The following SYNE1 variants were observed in gnomAD, a reference collection of about 807,000 sequenced individuals.
The protein encoded by SYNE1 is spectrin repeat containing nuclear envelope protein 1.
Under a neutral mutation model 1,111.0 loss-of-function variants are expected in SYNE1, and 616 were observed. The observed-to-expected ratio is 0.55, with a 90% CI of 0.52 to 0.59. The LOEUF (loss-of-function observed/expected upper bound fraction) is 0.59. Ranked by LOEUF, SYNE1 falls within the 20% of genes least tolerant of loss-of-function variation. SYNE1 has a pLI of 0.00. For missense variants in SYNE1, 10,006 were observed against 10,417.0 expected (o/e 0.96, Z 1.72); for synonymous variants, 3,855 against 3,825.8 (o/e 1.01, Z -0.28).
rs1562279050 is a variant in SYNE1 at position 152,220,860 on chromosome 6, T to C, written c.21843A>G (p.Thr7281=). The part of the protein sequence containing the change: ...NKDIADDEVA[T]WIQDCNDLLK... ...AACATACGTTGCAATCTTGAATCCA[T>C]GTGGCAACCTCATCATCGGCAATGT... Residue 7281 remains threonine, a synonymous_variant, in exon 119 of 146, where the codon ACA becomes ACG. Transcript: ENST00000367255. 1 of 1,613,982 alleles carries C rather than the reference T, an allele frequency of 6.2e-7. No homozygotes were observed. Among genetic ancestry groups the C allele is most frequent in the Non-Finnish European group, 8.5e-7 (1 of 1,179,972 alleles).
rs553403032 is a variant in SYNE1 at position 152,140,546 on chromosome 6, C to G, written c.25247-385G>C. On this transcript the variant is annotated intron_variant, in intron 139 of 145. Coordinates refer to ENST00000367255, the MANE Select transcript of SYNE1 (RefSeq NM_182961.4). ...AAACAGTGCATTAAAATAATTGGAA[C>G]ATGAGAGCTGGGGTGGTAGTGCGCG... 7.9e-5 allele frequency among the ~76,000 whole-genome samples: 12 copies of G among 152,238 alleles called. 1 individual carries two copies. In the South Asian group the frequency reaches 2.3e-3, roughly 29 times the overall value.
chr6:152,274,429 C>T (rs543283072), intron 98 of SYNE1, among the ~76,000 whole-genome samples: 144 of 151,504 alleles, frequency 9.5e-4, no homozygotes, highest in African/African-American at 3.3e-3. Flanking sequence ...TTGTGAATTG[C>T]ATAGTTTCTT....
chr6:152,169,627 CAAAAAAAAAA>C (rs58087660), intron 130 of SYNE1, among the ~76,000 whole-genome samples: 1 of 71,444 alleles, frequency 1.4e-5, no homozygotes, highest in Non-Finnish European at 2.5e-5. Flanking sequence ...CACCTCATCT[CAAAAAAAAAA>C]AAAAAAAAAA....
At chr6:152,538,314 G>A (rs561572002) in intron 4 of SYNE1, among the ~76,000 whole-genome samples, 10 of 152,120 alleles carry the variant, frequency 6.6e-5, no homozygotes, top group African/African-American at 1.4e-4. Context: ...CCCTCCACAG[G>A]CAACTGGCTA....
chr6:152,592,985 C>T lies in SYNE1; in HGVS notation c.67+35280G>A, dbSNP rs1020453261. On this transcript the variant is annotated intron_variant, in intron 3 of 145. Coordinates refer to ENST00000367255, the MANE Select transcript of SYNE1 (RefSeq NM_182961.4). ...GCTCCTGGGGTGGGCTCTGACCACCCGCAACCCTGAACTAGAATATGTAGG... is the reference window on the plus strand; with the variant it reads ...GCTCCTGGGGTGGGCTCTGACCACCTGCAACCCTGAACTAGAATATGTAGG... Among the ~76,000 whole-genome samples the T allele has an allele frequency of 7.2e-5, 11 of 152,228 alleles. No homozygotes were observed. In the East Asian group the frequency reaches 1.9e-3, roughly 27 times the overall value.
chr6:152,183,565 C>T lies in SYNE1; in HGVS notation c.23302-3271G>A, dbSNP rs139999608. On this transcript the variant is annotated intron_variant, in intron 128 of 145. Coordinates refer to ENST00000367255, the MANE Select transcript of SYNE1 (RefSeq NM_182961.4). ...GCAGTGAGCCAAGATCACACCACTG[C>T]ACTACAGCCTGGGCAACAGAGTGAG... Among the ~76,000 whole-genome samples the T allele has an allele frequency of 3.4e-3, 513 of 152,110 alleles. 15 individuals carry two copies. In the East Asian group the frequency reaches 0.067, roughly 20 times the overall value.
rs781563259 is a variant in SYNE1 at position 152,505,379 on chromosome 6, T to A, written c.600A>T (p.Val200=). Residue 200 remains valine (V), a synonymous_variant, in exon 9 of 146, where the codon GTA becomes GTT. Coordinates refer to ENST00000367255, the MANE Select transcript of SYNE1 (RefSeq NM_182961.4). ...TTCTCCAACTCTTCCCAAAATCTTT[T>A]ACTTCTATTCCAGTCTGCCTTTGTG... ...YTAGKQTGIE[V]KDFGKSWRSG... 4 of 1,613,894 alleles carry A rather than the reference T, an allele frequency of 2.5e-6. No homozygotes were observed. Among genetic ancestry groups the A allele is most frequent in the Non-Finnish European group, 3.4e-6 (4 of 1,180,008 alleles).
chr6:152,187,067 T>C (rs2070357522), intron 128 of SYNE1, among the ~76,000 whole-genome samples: 1 of 152,238 alleles, frequency 6.6e-6, no homozygotes, highest in South Asian at 2.1e-4. Context: ...CGTAAATCCA[T>C]GTAAATTCCT....
chr6:152,242,138 C>CTT, intron 107 of SYNE1, 102 bp downstream of exon 107: 1 of 1,160,026 alleles, frequency 8.6e-7, no homozygotes. Context: ...AGTAAGAACT[C>CTT]ATAAAAGACT....
intron 119 of SYNE1, 43 bp from the exon 120 acceptor site, chr6:152,219,228 C>A (rs764549935): frequency 6.3e-7 from 1 of 1,585,632 alleles, no homozygotes; most frequent in Admixed American, 1.7e-5. Flanking sequence ...CATGTTGATA[C>A]TCCTTATCAT....
At chr6:152,196,798 C>T (rs754324087) in intron 127 of SYNE1, among the ~76,000 whole-genome samples, 3 of 151,998 alleles carry the variant, frequency 2.0e-5, no homozygotes, top group African/African-American at 4.8e-5. Flanking sequence ...GTCACCGGGT[C>T]ATGTACCCCC....
intron 133 of SYNE1, 46 bp from the exon 134 acceptor site, chr6:152,152,187 C>T (rs1247541635): frequency 1.9e-6 from 3 of 1,559,170 alleles, no homozygotes; most frequent in African/African-American, 1.4e-5. Context: ...CAGCGAAGGA[C>T]TCTCAGTAGT....
intron 131 of SYNE1, among the ~76,000 whole-genome samples, chr6:152,159,040 C>T (rs974751402): frequency 2.6e-5 from 4 of 152,192 alleles, no homozygotes; most frequent in African/African-American, 9.7e-5. Flanking sequence ...CAACCTCCGC[C>T]TCCCAGGTTC....
At position 152,260,142 on chromosome 6, in the gene SYNE1, C is replaced by T. The variant is rs1300151329; in HGVS notation, c.18972+1890G>A. 3.9e-5 allele frequency among the ~76,000 whole-genome samples: 6 copies of T among 152,272 alleles called. No individual in the cohort carries two copies. The South Asian group carries it at 8.3e-4, about 21-fold the overall frequency. On this transcript the variant is annotated intron_variant, in intron 101 of 145. Coordinates refer to ENST00000367255, the MANE Select transcript of SYNE1 (RefSeq NM_182961.4). Reference sequence around the variant, plus strand: ...GGTGCTTTATGAATGGAGAATAATACGCAAGCACAGAATCTAGAAATATCG... The same window carrying T: ...GGTGCTTTATGAATGGAGAATAATATGCAAGCACAGAATCTAGAAATATCG...
chr6:152,263,797 A>G (rs1157915497), intron 100 of SYNE1, among the ~76,000 whole-genome samples: 7 of 151,842 alleles, frequency 4.6e-5, no homozygotes, highest in African/African-American at 1.7e-4. Flanking sequence ...CTGTGCCTCA[A>G]TCTTCTCATC....
Position 152,281,996 on chromosome 6 carries a change from G to A in SYNE1, c.18208-16C>T. On this transcript the variant is annotated splice_polypyrimidine_tract_variant and intron_variant, in intron 96 of 145. Transcript: ENST00000367255. ...TCAACTTCTCCTGTTGAATTCAGTAGAAGGTAATATAGATCACGCTAAGGT... is the reference window on the plus strand; with the variant it reads ...TCAACTTCTCCTGTTGAATTCAGTAAAAGGTAATATAGATCACGCTAAGGT... 1 of 1,612,708 alleles carries A rather than the reference G, an allele frequency of 6.2e-7. No homozygotes were observed. The highest frequency in any genetic ancestry group is 2.2e-5 in the East Asian group (1 of 44,886).
chr6:152,498,733 A>G lies in SYNE1; in HGVS notation c.939+9T>C. On this transcript the variant is annotated intron_variant, in intron 11 of 145. Transcript: ENST00000367255. ...AGAGGTCATCAATGCAAGATTACTT[A>G]AATCTTACCTTAAAATTTTGTACAG... 1 of 1,547,390 alleles carries G rather than the reference A, an allele frequency of 6.5e-7. No individual in the cohort carries two copies. The highest frequency in any genetic ancestry group is 8.8e-7 in the Non-Finnish European group (1 of 1,133,840).
intron 3 of SYNE1, among the ~76,000 whole-genome samples, chr6:152,549,162 A>G (rs2623973): frequency 0.65 from 99,042 of 152,044 alleles, 32,932 homozygotes; most frequent in African/African-American, 0.76. Flanking sequence ...AGACTTCGAG[A>G]CTGATGTGTC....
At chr6:152,416,302 G>A (rs2154181663) in intron 41 of SYNE1, 85 bp downstream of exon 41, 1 of 1,573,494 alleles carries the variant, frequency 6.4e-7, no homozygotes, top group African/African-American at 1.3e-5. Flanking sequence ...TCCTTGAACA[G>A]TACTAATAAA....
Sources: gnomAD v4.1 joint callset for allele counts (sites outside exome capture counted in the v4.1 genomes callset) on GRCh38, gnomAD v4.1.1 for gene constraint, MANE v1.5 for transcripts, NCBI Gene and HGNC (gene_info 2026-07-23, HGNC 2026-07-21) for gene names.